The following MYT1L variants were observed in gnomAD, a reference collection of about 807,000 sequenced individuals.
MYT1L encodes the protein myelin transcription factor 1 like.
A neutral mutation model predicts 126.7 loss-of-function variants in MYT1L; 12 were observed. That is an observed-to-expected ratio of 0.09 (90% CI 0.06 to 0.15). The LOEUF (loss-of-function observed/expected upper bound fraction) is 0.15, where lower values mean the gene tolerates loss of function less well. MYT1L is among the 10% of genes least tolerant of loss of function. The probability of loss-of-function intolerance (pLI) is 1.00; values close to 1 mark genes in which losing one functional copy is unlikely to be tolerated. For synonymous variants in MYT1L, 541 were observed against 604.2 expected (o/e 0.90, Z 1.53); for missense variants, 979 against 1,585.2 (o/e 0.62, Z 6.49).
In MYT1L at chr2:1,903,136, C is replaced by T. The variant is rs199822415; in HGVS notation, c.1976G>A (p.Arg659Gln). The T allele has an allele frequency of 3.7e-6, 6 of 1,613,882 alleles. No individual in the cohort carries two copies. Among genetic ancestry groups the T allele is most frequent in the Non-Finnish European group, 4.2e-6 (5 of 1,179,896 alleles). Residue 659 changes from arginine (R) to glutamine (Q), a missense_variant, in exon 14 of 25, where the codon CGA (arginine) becomes CAA (glutamine). Arg to Gln is a conservative substitution (Grantham distance 43). Coordinates refer to ENST00000647738, the MANE Select transcript of MYT1L (RefSeq NM_001303052.2). ...GGTTTGCACCTTGGGAGCTATGGCTCGCTTGCCATAAGTATGGTTGTCGTA... is the reference window on the plus strand; with the variant it reads ...GGTTTGCACCTTGGGAGCTATGGCTTGCTTGCCATAAGTATGGTTGTCGTA... ...NSYDNHTYGK[R>Q]AIAPKVQTRD...
At chr2:1,973,764 G>GCCTCACCC (rs1374387478) in intron 8 of MYT1L, among the ~76,000 whole-genome samples, 2 of 152,328 alleles carry the variant, frequency 1.3e-5, no homozygotes, top group Admixed American at 1.3e-4. Context: ...GAGCCTCCAG[G>GCCTCACCC]CCTCACCCCG....
chr2:2,319,568 T>C (rs1483428133), intron 1 of MYT1L, among the ~76,000 whole-genome samples: 2 of 152,132 alleles, frequency 1.3e-5, no homozygotes, highest in Non-Finnish European at 2.9e-5. Context: ...GGTGATACAA[T>C]GCCATGCTGT....
chr2:2,310,502 G>T (rs1277615806), intron 1 of MYT1L, among the ~76,000 whole-genome samples: 2 of 152,062 alleles, frequency 1.3e-5, no homozygotes, highest in Admixed American at 1.3e-4. Context: ...ATGCTCTGTT[G>T]TCTAATCAAA....
intron 3 of MYT1L, among the ~76,000 whole-genome samples, chr2:2,129,723 G>A (rs1237878785): frequency 2.0e-5 from 3 of 152,028 alleles, no homozygotes; most frequent in Non-Finnish European, 2.9e-5. Flanking sequence ...TGGCTAACAC[G>A]GTGAAACCCC....
rs901415485 is a variant in MYT1L at position 1,806,222 on chromosome 2, C to T, written c.3172+2854G>A. Among the ~76,000 whole-genome samples the T allele has an allele frequency of 1.3e-5, 2 of 152,170 alleles. No homozygotes were observed. Among genetic ancestry groups the T allele is most frequent in the South Asian group, 4.1e-4 (2 of 4,820 alleles). On this transcript the variant is annotated intron_variant, in intron 22 of 24. Coordinates refer to ENST00000647738, the MANE Select transcript of MYT1L (RefSeq NM_001303052.2). The surrounding 1 kb of genome is among the most constrained non-coding windows in gnomAD (Gnocchi z 4.9). ...CAAACAGTGTCAGGAATCGACAGCC[C>T]CAGGCATCAGCACACACTTGGACTT...
At chr2:2,203,082 C>T (rs1428221592) in intron 2 of MYT1L, among the ~76,000 whole-genome samples, 1 of 149,532 alleles carries the variant, frequency 6.7e-6, no homozygotes, top group African/African-American at 2.5e-5. Flanking sequence ...GCAGTTCATG[C>T]TAAAAACTCT....
At chr2:2,051,477 T>C (rs993947401) in intron 4 of MYT1L, among the ~76,000 whole-genome samples, 2 of 152,176 alleles carry the variant, frequency 1.3e-5, no homozygotes, top group East Asian at 1.9e-4. Context: ...CCAGGAAACA[T>C]GTCCAGCAAT....
At chr2:1,795,717 G>A (rs2033328493) in intron 23 of MYT1L, 1 of 152,252 alleles carries the variant, frequency 6.6e-6, no homozygotes, top group Non-Finnish European at 1.5e-5. Context: ...TGGTAAAGCA[G>A]GGAGCCCTCT....
intron 3 of MYT1L, among the ~76,000 whole-genome samples, chr2:2,097,156 C>T (rs2077537021): frequency 6.6e-6 from 1 of 152,162 alleles, no homozygotes. Flanking sequence ...TGCTCCGTGG[C>T]ACTTTCTCTA....
At chr2:1,987,643 G>A (rs1225360924) in intron 5 of MYT1L, among the ~76,000 whole-genome samples, 8 of 152,208 alleles carry the variant, frequency 5.3e-5, no homozygotes, top group Non-Finnish European at 1.2e-4. Flanking sequence ...ACAGTGAGCT[G>A]AGGCTGCGTG....
intron 1 of MYT1L, among the ~76,000 whole-genome samples, chr2:2,287,412 G>A (rs753303781): frequency 5.3e-5 from 8 of 152,034 alleles, no homozygotes; most frequent in Non-Finnish European, 7.4e-5. Context: ...GTTAAGCATC[G>A]CCAGCATCCT....
At chr2:1,909,791 G>T (rs1330326472) in intron 13 of MYT1L, among the ~76,000 whole-genome samples, 1 of 152,142 alleles carries the variant, frequency 6.6e-6, no homozygotes, top group East Asian at 1.9e-4. Context: ...GGTTTTGCAC[G>T]CGAGAGCTTC....
intron 5 of MYT1L, among the ~76,000 whole-genome samples, chr2:1,983,792 G>A (rs937354818): frequency 2.6e-5 from 4 of 152,186 alleles, no homozygotes; most frequent in Admixed American, 1.3e-4. Context: ...TGGCTCAGTC[G>A]CGTTTTCTAA....
chr2:2,022,875 G>A (rs529842600), intron 4 of MYT1L, among the ~76,000 whole-genome samples: 6 of 152,330 alleles, frequency 3.9e-5, no homozygotes, highest in African/African-American at 1.4e-4. Flanking sequence ...ACTGGCGGAG[G>A]CGTTTCATCT....
chr2:2,261,447 G>A (rs1391809467), intron 2 of MYT1L, among the ~76,000 whole-genome samples: 1 of 152,116 alleles, frequency 6.6e-6, no homozygotes, highest in Non-Finnish European at 1.5e-5. Context: ...GAACTAAGAA[G>A]ATAATTAACA....
rs147083886 is a variant in MYT1L at position 2,329,164 on chromosome 2, T to C, written c.-521+1803A>G. On this transcript the variant is annotated intron_variant, in intron 1 of 24. Coordinates refer to ENST00000647738, the MANE Select transcript of MYT1L (RefSeq NM_001303052.2). ...TGAGGTGGCAAGTGCTCAGCCTGAA[T>C]AGCACTGTCTACAGAACAATGGCAG... Among the ~76,000 whole-genome samples, 35 of 152,334 alleles carry C rather than the reference T, an allele frequency of 2.3e-4. No individual in the cohort carries two copies. The East Asian group carries it at 6.7e-3, about 29-fold the overall frequency.
intron 4 of MYT1L, among the ~76,000 whole-genome samples, chr2:2,003,842 G>A (rs1490534157): frequency 6.6e-6 from 1 of 152,120 alleles, no homozygotes; most frequent in Non-Finnish European, 1.5e-5. Context: ...GCTGCTTCAG[G>A]CACCCTCACT....
At chr2:1,873,578 T>G (rs1289734630) in intron 18 of MYT1L, among the ~76,000 whole-genome samples, 1 of 152,140 alleles carries the variant, frequency 6.6e-6, no homozygotes, top group Non-Finnish European at 1.5e-5. Context: ...ATGACTGAGA[T>G]TTTTGCTTCA....
intron 5 of MYT1L, among the ~76,000 whole-genome samples, chr2:1,987,300 C>G (rs1189496154): frequency 6.6e-6 from 1 of 151,676 alleles, no homozygotes; most frequent in Non-Finnish European, 1.5e-5. Flanking sequence ...ATATCAAAAC[C>G]TTGATTTCTG....
Sources: allele counts gnomAD v4.1 joint callset (sites outside exome capture counted in the v4.1 genomes callset), GRCh38; gene constraint gnomAD v4.1.1; non-coding constraint Gnocchi (gnomAD v3.1); transcripts MANE v1.5; gene names NCBI Gene and HGNC (gene_info 2026-07-23, HGNC 2026-07-21).